The following ZFYVE1 variants were observed in gnomAD, a reference collection of about 807,000 sequenced individuals.
ZFYVE1 encodes the protein zinc finger FYVE-type containing 1.
A neutral mutation model predicts 74.4 loss-of-function variants in ZFYVE1; 30 were observed. The observed-to-expected ratio is 0.40, with a 90% CI of 0.30 to 0.55. The LOEUF (loss-of-function observed/expected upper bound fraction) is 0.55, where lower values mean the gene tolerates loss of function less well. Ranked by LOEUF, ZFYVE1 falls within the 20% of genes least tolerant of loss-of-function variation. The pLI, the probability that ZFYVE1 is intolerant of heterozygous loss-of-function variation, is 0.42. For missense variants in ZFYVE1, 703 were observed against 1,011.6 expected (o/e 0.69, Z 4.14); for synonymous variants, 335 against 385.1 (o/e 0.87, Z 1.52).
chr14:72,992,697 C>T (rs79844334), intron 4 of ZFYVE1, among the ~76,000 whole-genome samples: 10,836 of 149,756 alleles, frequency 0.072, 534 homozygotes, highest in East Asian at 0.19. Context: ...AAACGCCCCC[C>T]GAACAAAAAA....
At chr14:72,984,835 G>C (rs1296596475) in intron 4 of ZFYVE1, among the ~76,000 whole-genome samples, 1 of 152,190 alleles carries the variant, frequency 6.6e-6, no homozygotes, top group Admixed American at 6.5e-5. Flanking sequence ...TGGGTTTGCT[G>C]TATTTTATCT....
In ZFYVE1 at chr14:72,969,980, A is replaced by C. The variant is rs1892987862; in HGVS notation, c.*902T>G. On this transcript the variant is annotated 3_prime_UTR_variant, in exon 12 of 12. Transcript: ENST00000556143. ...TTAAGACACTTTAAAATAAGCAATGAAAATCCTAGTGCGACACTCAGAAGC... is the reference window on the plus strand; with the variant it reads ...TTAAGACACTTTAAAATAAGCAATGCAAATCCTAGTGCGACACTCAGAAGC... 2 of 510,764 alleles carry C rather than the reference A, an allele frequency of 3.9e-6. No individual in the cohort carries two copies. The highest frequency in any genetic ancestry group is 1.9e-5 in the African/African-American group (1 of 51,366). The allele number at this position is 510,764 out of a possible 1,614,324, so 31.6% of individuals were successfully genotyped here. A position where few individuals can be genotyped will look rare whatever the true frequency, so the allele number is the denominator to read the frequency against.
At chr14:73,006,052 G>C (rs749734851) in intron 2 of ZFYVE1, among the ~76,000 whole-genome samples, 11 of 151,964 alleles carry the variant, frequency 7.2e-5, no homozygotes, top group Non-Finnish European at 1.2e-4. Flanking sequence ...CTTTGGAGTA[G>C]CTGGGACTAC....
intron 2 of ZFYVE1, among the ~76,000 whole-genome samples, chr14:73,022,446 G>T (rs1894337622): frequency 6.6e-6 from 1 of 152,174 alleles, no homozygotes; most frequent in South Asian, 2.1e-4. Context: ...AAAGTACTGA[G>T]TCAGTGGACC....
intron 2 of ZFYVE1, among the ~76,000 whole-genome samples, chr14:73,009,372 G>A (rs1049615943): frequency 6.6e-6 from 1 of 152,198 alleles, no homozygotes; most frequent in Non-Finnish European, 1.5e-5. Context: ...TGTAGTAAAT[G>A]CTAGAGGCAT....
rs1457160808 is a variant in ZFYVE1, at chr14:72,998,163, C to T, written c.636G>A (p.Pro212=). 9.9e-6 allele frequency: 16 copies of T among 1,613,584 alleles called. No individual in the cohort carries two copies. The highest frequency in any genetic ancestry group is 1.3e-5 in the Non-Finnish European group (15 of 1,179,940). The part of the protein sequence containing the change: ...FYGREVFKTS[P]TQESCTVGVW... ...CTCCCACAGTGCAGGACTCCTGGGT[C>T]GGGGAGGTTTTAAAGACTTCACGAC... Residue 212 remains proline, a synonymous_variant, in exon 3 of 12, where the codon CCG becomes CCA. Transcript: ENST00000556143.
At chr14:73,011,396 A>G (rs1894088725) in intron 2 of ZFYVE1, among the ~76,000 whole-genome samples, 2 of 152,134 alleles carry the variant, frequency 1.3e-5, no homozygotes, top group Admixed American at 1.3e-4. Flanking sequence ...CTGAGGTGGA[A>G]GGACGGCTTG....
intron 4 of ZFYVE1, among the ~76,000 whole-genome samples, chr14:72,990,270 C>A (rs1893576278): frequency 6.6e-6 from 1 of 152,020 alleles, no homozygotes; most frequent in African/African-American, 2.4e-5. Context: ...TTCCCATAGA[C>A]AAAAGAATTC....
rs979039020 is a variant in ZFYVE1, at chr14:72,970,069, C to T, written c.*813G>A. ...ATGCTTCGATTGAGGAGCTGGGTGC[C>T]GCCTTTTGGGAAAGCCGAGTGGAGA... On this transcript the variant is annotated 3_prime_UTR_variant, in exon 12 of 12. Coordinates refer to ENST00000556143, the MANE Select transcript of ZFYVE1 (RefSeq NM_021260.4). The T allele has an allele frequency of 1.2e-5, 4 of 323,084 alleles. No homozygotes were observed. Among genetic ancestry groups the T allele is most frequent in the East Asian group, 1.3e-4 (2 of 15,018 alleles). The allele number at this position is 323,084 out of a possible 1,614,324, so 20.0% of individuals were successfully genotyped here.
intron 2 of ZFYVE1, among the ~76,000 whole-genome samples, chr14:73,003,007 A>G (rs1233153517): frequency 6.8e-6 from 1 of 146,816 alleles, no homozygotes; most frequent in Non-Finnish European, 1.5e-5. Context: ...CTCCCAAAGC[A>G]CTGGGATTAC....
chr14:73,017,412 A>G (rs985720888), intron 2 of ZFYVE1, among the ~76,000 whole-genome samples: 1 of 152,182 alleles, frequency 6.6e-6, no homozygotes, highest in Non-Finnish European at 1.5e-5. Context: ...GATGTCTCCA[A>G]TCATTGCCAA....
chr14:73,022,926 G>A (rs1894347608), intron 2 of ZFYVE1, among the ~76,000 whole-genome samples: 1 of 151,952 alleles, frequency 6.6e-6, no homozygotes, highest in African/African-American at 2.4e-5. Context: ...ACTCTGGGAG[G>A]CCAAGGCGGG....
chr14:73,027,013 A>ATCCATCCTCATC lies in ZFYVE1; in HGVS notation c.-534_-523dup, dbSNP rs1219472442. On this transcript the variant is annotated 5_prime_UTR_variant, in exon 1 of 12. In the 5' UTR this introduces an upstream ATG that the reference lacks. Coordinates refer to ENST00000556143, the MANE Select transcript of ZFYVE1 (RefSeq NM_021260.4). ...AGGCTATTCCTCAGGACACCGGCAG[A>ATCCATCCTCATC]TCCATCCTCATCTCCATCTCCGCCA... 7.5e-6 allele frequency: 3 copies of ATCCATCCTCATC among 398,722 alleles called. No homozygotes were observed. The highest frequency in any genetic ancestry group is 8.8e-6 in the Non-Finnish European group (2 of 226,328). 24.7% of individuals were successfully genotyped at this position (398,722 alleles called of 1,614,324 possible).
At chr14:73,026,873 C>T (rs1247693758) in intron 1 of ZFYVE1, 53 bp downstream of exon 1, 2 of 394,138 alleles carry the variant, frequency 5.1e-6, no homozygotes, top group East Asian at 7.2e-5. Context: ...TCGCCCCGCG[C>T]TGGGCCGTGC....
rs142972486 is a variant in ZFYVE1 at position 73,015,675 on chromosome 14, C to G, written c.483+8351G>C. Among the ~76,000 whole-genome samples, 1,228 of 152,250 alleles carry G rather than the reference C, an allele frequency of 8.1e-3. 28 individuals are homozygous for G. Among genetic ancestry groups the G allele is most frequent in the Admixed American group, 0.048 (739 of 15,278 alleles). ...CTGGGATTACAGGCGTGAGCCACCA[C>G]GCCCGGCCTGCTATTTTCCATTCCT... On this transcript the variant is annotated intron_variant, in intron 2 of 11. Coordinates refer to ENST00000556143, the MANE Select transcript of ZFYVE1 (RefSeq NM_021260.4).
chr14:73,010,600 C>CAA (rs34902764), intron 2 of ZFYVE1, among the ~76,000 whole-genome samples: 2 of 140,500 alleles, frequency 1.4e-5, no homozygotes, highest in South Asian at 4.6e-4. Context: ...AACTCCGTCT[C>CAA]AAAAAAAAAA....
chr14:72,977,784 C>T lies in ZFYVE1; in HGVS notation c.1635+143G>A, dbSNP rs138484727. On this transcript the variant is annotated intron_variant, in intron 8 of 11. Coordinates refer to ENST00000556143, the MANE Select transcript of ZFYVE1 (RefSeq NM_021260.4). ...AATTTTGGTCTAGAGAACAAAAAAGCTCTCCAGATCATGCCTTTCTAAACC... is the reference window on the plus strand; with the variant it reads ...AATTTTGGTCTAGAGAACAAAAAAGTTCTCCAGATCATGCCTTTCTAAACC... 5.9e-4 allele frequency: 452 copies of T among 769,508 alleles called. 7 individuals carry two copies. The East Asian group carries it at 0.013, about 21-fold the overall frequency. The allele number at this position is 769,508 out of a possible 1,614,324, so 47.7% of individuals were successfully genotyped here.
At position 72,970,537 on chromosome 14, in the gene ZFYVE1, C is replaced by T. The variant is rs188171391; in HGVS notation, c.*345G>A. The T allele has an allele frequency of 7.5e-4, 216 of 287,312 alleles. 1 individual carries two copies. The East Asian group carries it at 0.012, about 16-fold the overall frequency. 17.8% of individuals were successfully genotyped at this position (287,312 alleles called of 1,614,324 possible). A position where few individuals can be genotyped will look rare whatever the true frequency, so the allele number is the denominator to read the frequency against. On this transcript the variant is annotated 3_prime_UTR_variant, in exon 12 of 12. Transcript: ENST00000556143. ...CTCACCCTGTGCGGAGGAGACTGTG[C>T]GAAGTCTTCACAGCCAGCAGCAGCC...
intron 11 of ZFYVE1, among the ~76,000 whole-genome samples, chr14:72,972,626 G>A (rs1893062777): frequency 6.6e-6 from 1 of 152,092 alleles, no homozygotes; most frequent in African/African-American, 2.4e-5. Flanking sequence ...GCCAAGCACT[G>A]GTTGATTTCC....
Sources: gnomAD v4.1 joint callset for allele counts (sites outside exome capture counted in the v4.1 genomes callset) on GRCh38, gnomAD v4.1.1 for gene constraint, MANE v1.5 for transcripts, NCBI Gene and HGNC (gene_info 2026-07-23, HGNC 2026-07-21) for gene names.